Variants in SEMA6D observed in about 807,000 individuals in gnomAD.
The protein encoded by SEMA6D is semaphorin-6D.
Under a neutral mutation model 106.6 loss-of-function variants are expected in SEMA6D, and 35 were observed. That is an observed-to-expected ratio of 0.33 (90% CI 0.25 to 0.44). The LOEUF (loss-of-function observed/expected upper bound fraction) is 0.44, where lower values mean the gene tolerates loss of function less well. SEMA6D is among the 20% of genes least tolerant of loss of function. The pLI, the probability that SEMA6D is intolerant of heterozygous loss-of-function variation, is 1.00. For missense variants in SEMA6D, 1,185 were observed against 1,345.9 expected, an observed-to-expected ratio of 0.88 and a Z score of 1.87; for synonymous variants, 499 against 487.7, an observed-to-expected ratio of 1.02 and a Z score of -0.31.
intron 1 of SEMA6D, among the ~76,000 whole-genome samples, chr15:47,237,894 A>T (rs2032655079): frequency 6.6e-6 from 1 of 152,058 alleles, no homozygotes; most frequent in Admixed American, 6.6e-5. Flanking sequence ...GCACAACAAA[A>T]CTGTACAACT....
At chr15:47,565,007 C>A (rs2046188903) in intron 3 of SEMA6D, among the ~76,000 whole-genome samples, 1 of 152,134 alleles carries the variant, frequency 6.6e-6, no homozygotes, top group Non-Finnish European at 1.5e-5. Context: ...CCACTGAGAG[C>A]AACTTTCACT....
In SEMA6D at chr15:47,773,800, C is replaced by T. The variant is rs2082731706; in HGVS notation, c.*2015C>T. Reference sequence around the variant, plus strand: ...AAACCAACCAATGATAAACACTACTCAGTCCACCAACAACAAACGTGTTTG... The same window carrying T: ...AAACCAACCAATGATAAACACTACTTAGTCCACCAACAACAAACGTGTTTG... On this transcript the variant is annotated 3_prime_UTR_variant, in exon 19 of 19. Transcript: ENST00000536845. 1.3e-5 allele frequency: 2 copies of T among 152,610 alleles called. No individual in the cohort carries two copies. The highest frequency in any genetic ancestry group is 4.8e-5 in the African/African-American group (2 of 41,442). 9.5% of individuals were successfully genotyped at this position (152,610 alleles called of 1,614,324 possible).
intron 1 of SEMA6D, among the ~76,000 whole-genome samples, chr15:47,263,974 A>G (rs1346624182): frequency 1.3e-5 from 2 of 151,914 alleles, no homozygotes; most frequent in African/African-American, 2.4e-5. Context: ...AATTGGATAA[A>G]GAATATGTCA....
chr15:47,333,096 T>C (rs1052402336), intron 1 of SEMA6D, among the ~76,000 whole-genome samples: 56 of 152,286 alleles, frequency 3.7e-4, no homozygotes, highest in African/African-American at 1.3e-3. Context: ...TTGTTTTTAC[T>C]GGGAGGAATT....
chr15:47,374,403 C>T (rs1446566267), intron 1 of SEMA6D, among the ~76,000 whole-genome samples: 2 of 152,126 alleles, frequency 1.3e-5, no homozygotes, highest in Non-Finnish European at 2.9e-5. Context: ...AGGGCTGAAT[C>T]TTCTCCATTC....
chr15:47,212,154 G>A (rs1421665261), intron 1 of SEMA6D, among the ~76,000 whole-genome samples: 1 of 152,200 alleles, frequency 6.6e-6, no homozygotes, highest in Non-Finnish European at 1.5e-5. Context: ...ATAGCCTTGA[G>A]AATAATTGTG....
intron 1 of SEMA6D, among the ~76,000 whole-genome samples, chr15:47,322,061 A>G (rs945488589): frequency 1.3e-5 from 2 of 152,200 alleles, no homozygotes; most frequent in Admixed American, 6.5e-5. Flanking sequence ...TTTGACATCT[A>G]TTGAATAAGA....
chr15:47,454,599 G>GCGCGCACACACACA (rs113699947), intron 2 of SEMA6D, among the ~76,000 whole-genome samples: 1 of 148,874 alleles, frequency 6.7e-6, no homozygotes, highest in African/African-American at 2.5e-5. Flanking sequence ...TTGCACATGT[G>GCGCGCACACACACA]CACACACACA....
chr15:47,302,402 C>CA (rs1280678936), intron 1 of SEMA6D, among the ~76,000 whole-genome samples: 2 of 151,974 alleles, frequency 1.3e-5, no homozygotes, highest in Non-Finnish European at 1.5e-5. Flanking sequence ...AAAAGAAAAG[C>CA]AAAAAACAAG....
chr15:47,207,360 G>A lies in SEMA6D; in HGVS notation c.-239+22942G>A, dbSNP rs148733162. ...CTGCTATATCTCCCATTTACAATGC[G>A]GTGAGAGAATTTCTGGGTTTTAAAA... On this transcript the variant is annotated intron_variant, in intron 1 of 19. Coordinates refer to the SEMA6D transcript ENST00000558014. 9.6e-3 allele frequency among the ~76,000 whole-genome samples: 1,456 copies of A among 152,132 alleles called. 22 individuals carry two copies. Among genetic ancestry groups the A allele is most frequent in the African/African-American group, 0.034 (1,404 of 41,498 alleles).
chr15:47,616,404 T>C (rs1282619229), intron 4 of SEMA6D, among the ~76,000 whole-genome samples: 1 of 152,060 alleles, frequency 6.6e-6, no homozygotes, highest in African/African-American at 2.4e-5. Flanking sequence ...TCTCCTGACC[T>C]TGTGGTCCAC....
chr15:47,206,770 C>T (rs978066134), intron 1 of SEMA6D, among the ~76,000 whole-genome samples: 2 of 152,078 alleles, frequency 1.3e-5, no homozygotes, highest in African/African-American at 4.8e-5. Flanking sequence ...ACTTAGCCAA[C>T]GGCATTCCTA....
chr15:47,422,278 C>T (rs2041196502), intron 2 of SEMA6D, among the ~76,000 whole-genome samples: 1 of 147,792 alleles, frequency 6.8e-6, no homozygotes, highest in Admixed American at 6.9e-5. Flanking sequence ...AGTCAGGTAT[C>T]ATTGAATTAA....
At chr15:47,554,474 G>A (rs1444548037) in intron 3 of SEMA6D, among the ~76,000 whole-genome samples, 1 of 152,180 alleles carries the variant, frequency 6.6e-6, no homozygotes, top group Non-Finnish European at 1.5e-5. Flanking sequence ...TGTAGCCATG[G>A]AAGAAAACAA....
At chr15:47,598,686 A>G (rs1441923927) in intron 3 of SEMA6D, among the ~76,000 whole-genome samples, 1 of 152,148 alleles carries the variant, frequency 6.6e-6, no homozygotes, top group East Asian at 1.9e-4. Flanking sequence ...GGGTTCTGTT[A>G]CTTAAACAGT....
chr15:47,236,721 T>C (rs2032568325), intron 1 of SEMA6D, among the ~76,000 whole-genome samples: 1 of 152,174 alleles, frequency 6.6e-6, no homozygotes, highest in Non-Finnish European at 1.5e-5. Context: ...AATCACTTTC[T>C]ATAAAAGGGA....
chr15:47,568,303 G>A (rs1173948692), intron 3 of SEMA6D, among the ~76,000 whole-genome samples: 3 of 151,812 alleles, frequency 2.0e-5, no homozygotes, highest in African/African-American at 7.3e-5. Context: ...TTGTAGCAAT[G>A]TCTATAATAG....
intron 3 of SEMA6D, among the ~76,000 whole-genome samples, chr15:47,488,669 A>G (rs2043371310): frequency 6.6e-6 from 1 of 152,162 alleles, no homozygotes; most frequent in Non-Finnish European, 1.5e-5. Context: ...GGAGTTAGCT[A>G]GAGGAGGAGT....
At chr15:47,650,516 C>T (rs1471721668) in intron 4 of SEMA6D, among the ~76,000 whole-genome samples, 2 of 152,130 alleles carry the variant, frequency 1.3e-5, no homozygotes, top group African/African-American at 4.8e-5. Context: ...ACACCAAGCT[C>T]GGTAATGAGT....
Sources: allele counts gnomAD v4.1 joint callset (sites outside exome capture counted in the v4.1 genomes callset), GRCh38; gene constraint gnomAD v4.1.1; transcripts MANE v1.5; gene names NCBI Gene and HGNC (gene_info 2026-07-23, HGNC 2026-07-21).